SHCBP1L: variants seen among roughly 807,000 people sequenced by gnomAD.
SHCBP1L encodes the protein testicular spindle-associated protein SHCBP1L.
A neutral mutation model predicts 62.5 loss-of-function variants in SHCBP1L; 67 were observed. That is an observed-to-expected ratio of 1.07 (90% CI 0.88 to 1.31). The LOEUF (loss-of-function observed/expected upper bound fraction) is 1.31. Ranked by LOEUF, SHCBP1L falls within the 40% of genes most tolerant of loss-of-function variation. The pLI is 0.00. For missense variants in SHCBP1L, 823 were observed against 809.8 expected, an observed-to-expected ratio of 1.02 and a Z score of -0.20; for synonymous variants, 284 against 289.4, an observed-to-expected ratio of 0.98 and a Z score of 0.19.
At chr1:182,951,249 A>G in intron 2 of SHCBP1L, 69 bp downstream of exon 2, 5 of 1,227,440 alleles carry the variant, frequency 4.1e-6, no homozygotes, top group Non-Finnish European at 5.5e-6. Context: ...TCTCCAAATA[A>G]TAAAGTCATA....
At chr1:182,925,183 G>C (rs1490758101) in intron 6 of SHCBP1L, among the ~76,000 whole-genome samples, 2 of 152,072 alleles carry the variant, frequency 1.3e-5, no homozygotes, top group African/African-American at 4.8e-5. Flanking sequence ...CAGTGATCAC[G>C]GACAGGCAAT....
At chr1:182,922,791 T>A (rs897293311) in intron 6 of SHCBP1L, among the ~76,000 whole-genome samples, 1 of 151,986 alleles carries the variant, frequency 6.6e-6, no homozygotes, top group African/African-American at 2.4e-5. Flanking sequence ...ATCGCTCACA[T>A]CAAAAGGTTA....
chr1:182,908,381 G>A (rs1466566166), intron 6 of SHCBP1L, among the ~76,000 whole-genome samples: 1 of 146,668 alleles, frequency 6.8e-6, no homozygotes, highest in Non-Finnish European at 1.5e-5. Context: ...TTGGTTTTCT[G>A]TTCCTGCATT....
At chr1:182,952,491 C>T in intron 1 of SHCBP1L, 1 of 480,838 alleles carries the variant, frequency 2.1e-6, no homozygotes, top group Non-Finnish European at 3.6e-6. Context: ...TCTCTCAGGG[C>T]TGTCCCGTTA....
intron 6 of SHCBP1L, among the ~76,000 whole-genome samples, chr1:182,926,394 G>A (rs975767014): frequency 1.3e-5 from 2 of 152,044 alleles, no homozygotes; most frequent in African/African-American, 4.8e-5. Context: ...AAAAATGATG[G>A]CTATATTATT....
chr1:182,901,571 T>C (rs536598623), intron 9 of SHCBP1L, among the ~76,000 whole-genome samples: 117 of 152,096 alleles, frequency 7.7e-4, no homozygotes, highest in Non-Finnish European at 9.1e-4. Flanking sequence ...AAGAGGAAGA[T>C]TGGAAGGAGA....
intron 2 of SHCBP1L, among the ~76,000 whole-genome samples, chr1:182,946,501 G>C (rs148757727): frequency 1.3e-5 from 2 of 151,870 alleles, no homozygotes; most frequent in Non-Finnish European, 2.9e-5. Context: ...AAGCAGAGTT[G>C]GAAGGTAGAA....
chr1:182,952,227 T>C (rs1290419408), intron 1 of SHCBP1L, among the ~76,000 whole-genome samples: 628 of 61,870 alleles, frequency 0.01, 29 homozygotes, highest in African/African-American at 0.055. Context: ...TATATATATA[T>C]ATATATATAC....
intron 9 of SHCBP1L, among the ~76,000 whole-genome samples, chr1:182,901,548 G>T (rs891568324): frequency 6.6e-6 from 1 of 152,144 alleles, no homozygotes; most frequent in Non-Finnish European, 1.5e-5. Context: ...AGTGTGGCTC[G>T]AATATAATGT....
At chr1:182,942,080 C>T in intron 2 of SHCBP1L, 3 of 907,998 alleles carry the variant, frequency 3.3e-6, no homozygotes, top group Non-Finnish European at 1.8e-6. Context: ...ACAGGGACCA[C>T]TGATAAGACA....
At chr1:182,932,134 A>G (rs1249590639) in intron 5 of SHCBP1L, among the ~76,000 whole-genome samples, 2 of 129,628 alleles carry the variant, frequency 1.5e-5, no homozygotes, top group Non-Finnish European at 3.0e-5. Flanking sequence ...GCTGAATAAC[A>G]TTCCTTGTCT....
At chr1:182,928,467 A>G (rs1280257151) in intron 6 of SHCBP1L, among the ~76,000 whole-genome samples, 1 of 152,212 alleles carries the variant, frequency 6.6e-6, no homozygotes, top group African/African-American at 2.4e-5. Context: ...CTATAATTGT[A>G]TACAGCAGTC....
intron 6 of SHCBP1L, among the ~76,000 whole-genome samples, chr1:182,912,962 C>T (rs1040763959): frequency 3.3e-5 from 5 of 151,484 alleles, no homozygotes; most frequent in Non-Finnish European, 5.9e-5. Context: ...TGGTGAAACC[C>T]CTTCTCTACT....
Position 182,903,089 on chromosome 1 carries a change from G to T in SHCBP1L, c.1660C>A (p.Leu554Ile), listed in dbSNP as rs764297420. ...CTTTTTGAACTGTTACTGGTTCTGAGGTTATTACAGTGATGAATTTCATTT... is the reference window on the plus strand; with the variant it reads ...CTTTTTGAACTGTTACTGGTTCTGATGTTATTACAGTGATGAATTTCATTT... ...ERNEIHHCNN[L>I]RTSNSSKSTL... is the part of the protein sequence containing the mutation. Residue 554 changes from leucine to isoleucine, a missense_variant, in exon 9 of 10, where the codon CTC becomes ATC. Leu to Ile is a conservative substitution (Grantham distance 5). Coordinates refer to ENST00000367547, the MANE Select transcript of SHCBP1L (RefSeq NM_030933.4). 1.2e-6 allele frequency: 2 copies of T among 1,601,072 alleles called. No homozygotes were observed. The highest frequency in any genetic ancestry group is 4.5e-5 in the East Asian group (2 of 44,272).
rs887777039 is a variant in SHCBP1L at position 182,927,152 on chromosome 1, G to A, written c.1182+2495C>T. On this transcript the variant is annotated intron_variant, in intron 6 of 9. Coordinates refer to ENST00000367547, the MANE Select transcript of SHCBP1L (RefSeq NM_030933.4). ...CCTTTTAAAGCATTCTGCAAGTAAG[G>A]AAATTGAGGCTTAGAGGTTATGCGC... Among the ~76,000 whole-genome samples the A allele has an allele frequency of 6.4e-5, 9 of 140,864 alleles. No individual in the cohort carries two copies. The East Asian group carries it at 1.9e-3, about 29-fold the overall frequency. 92.4% of individuals were successfully genotyped at this position (140,864 alleles called of 152,430 possible). A position where few individuals can be genotyped will look rare whatever the true frequency, so the allele number is the denominator to read the frequency against.
chr1:182,952,029 T>C (rs760864022), intron 1 of SHCBP1L: 72 of 212,000 alleles, frequency 3.4e-4, no homozygotes, highest in Non-Finnish European at 6.3e-4. Flanking sequence ...TGGTGGCTCA[T>C]GCCTGTAATC....
intron 5 of SHCBP1L, among the ~76,000 whole-genome samples, chr1:182,933,981 T>G (rs2101946181): frequency 6.6e-6 from 1 of 152,298 alleles, no homozygotes; most frequent in Non-Finnish European, 1.5e-5. Context: ...GTGAGTAGTT[T>G]TTCATTTGCT....
At chr1:182,915,443 TA>T (rs1364357216) in intron 6 of SHCBP1L, among the ~76,000 whole-genome samples, 1 of 152,074 alleles carries the variant, frequency 6.6e-6, no homozygotes. Context: ...ATGTATGAAG[TA>T]AAACATTCAC....
At chr1:182,923,306 A>G (rs1395757541) in intron 6 of SHCBP1L, among the ~76,000 whole-genome samples, 1 of 152,238 alleles carries the variant, frequency 6.6e-6, no homozygotes, top group Non-Finnish European at 1.5e-5. Flanking sequence ...TACCAGACGT[A>G]TAAGAGTTGC....
Sources: gnomAD v4.1 joint callset for allele counts (sites outside exome capture counted in the v4.1 genomes callset) on GRCh38, gnomAD v4.1.1 for gene constraint, MANE v1.5 for transcripts, NCBI Gene and HGNC (gene_info 2026-07-23, HGNC 2026-07-21) for gene names.